The following FBXW5 variants were observed in gnomAD, a reference collection of about 807,000 sequenced individuals.
FBXW5 encodes the protein F-box and WD repeat domain containing 5, also known as F-box/WD repeat-containing protein 5.
FBXW5 carries 74 observed loss-of-function variants against 50.9 expected under a neutral mutation model. That is an observed-to-expected ratio of 1.45 (90% CI 1.20 to 1.76). The LOEUF is 1.76. FBXW5 is among the 40% of genes most tolerant of loss of function. FBXW5 has a pLI of 0.00. For synonymous variants in FBXW5, 523 were observed against 362.2 expected (o/e 1.44, Z -5.04); for missense variants, 1,073 against 818.8 (o/e 1.31, Z -3.79).
Position 136,940,680 on chromosome 9 carries a change from A to C in FBXW5, c.*248T>G, listed in dbSNP as rs866710413. 8.8e-6 allele frequency: 5 copies of C among 566,504 alleles called. No individual in the cohort carries two copies. The highest frequency in any genetic ancestry group is 3.2e-5 in the Admixed American group (1 of 31,716). The allele number at this position is 566,504 out of a possible 1,614,324, so 35.1% of individuals were successfully genotyped here. A position where few individuals can be genotyped will look rare whatever the true frequency, so the allele number is the denominator to read the frequency against. ...GGGTTGAGTGAGGAGCGGCACCCCC[A>C]GTATCCTGTGTACCCCAAGTTGCCC... On this transcript the variant is annotated 3_prime_UTR_variant, in exon 9 of 9. Coordinates refer to ENST00000325285, the MANE Select transcript of FBXW5 (RefSeq NM_018998.4).
In FBXW5 at chr9:136,943,454, G is replaced by A. The variant is rs747203931; in HGVS notation, c.246C>T (p.Cys82=). The A allele has an allele frequency of 2.4e-5, 38 of 1,612,644 alleles. No individual in the cohort carries two copies. The highest frequency in any genetic ancestry group is 3.0e-5 in the Non-Finnish European group (35 of 1,179,926). ...EFQRLYDTVP[C]VEVQTLREHT... is the part of the protein sequence containing the mutation. ...GTTCCCGCAGCGTCTGCACCTCCAC[G>A]CAGGGCACCGTGTCATACAGCCGCT... Residue 82 remains cysteine (C), a synonymous_variant, in exon 3 of 9, where the codon TGC becomes TGT. Transcript: ENST00000325285.
intron 1 of FBXW5, 87 bp from the exon 2 acceptor site, chr9:136,944,193 C>G (rs1274526912): frequency 7.3e-7 from 1 of 1,368,128 alleles, no homozygotes. Flanking sequence ...CCAACCGTCC[C>G]GCCGGGAGTT....
chr9:136,941,188 G>A lies in FBXW5; in HGVS notation c.1458-17C>T, dbSNP rs1375950213. ...TCCGCCCCGCTGCAGAACAGCGCCT[G>A]GGTGAGCCGGCCGCCCGCCCGCTGC... On this transcript the variant is annotated splice_polypyrimidine_tract_variant and intron_variant, in intron 8 of 8. Transcript: ENST00000325285. 2 of 1,598,998 alleles carry A rather than the reference G, an allele frequency of 1.3e-6. No homozygotes were observed. Among genetic ancestry groups the A allele is most frequent in the African/African-American group, 1.3e-5 (1 of 74,778 alleles).
intron 3 of FBXW5, 100 bp downstream of exon 3, chr9:136,943,244 ACCCAC>A: frequency 2.7e-6 from 2 of 727,612 alleles, no homozygotes; most frequent in Non-Finnish European, 4.2e-6. Context: ...CTCTGGCCTG[ACCCAC>A]CCCCCCCCCC....
chr9:136,941,777 T>TG, intron 6 of FBXW5, 93 bp from the exon 7 acceptor site: 2 of 1,421,774 alleles, frequency 1.4e-6, no homozygotes, highest in Non-Finnish European at 1.9e-6. Context: ...TCTGGGGCTG[T>TG]GAGCACCACA....
rs1850725838 is a variant in FBXW5, at chr9:136,940,930, A to G, written c.1699T>C (p.Ter567ArgextTer56). The G allele has an allele frequency of 6.3e-7, 1 of 1,577,184 alleles. No homozygotes were observed. The highest frequency in any genetic ancestry group is 8.6e-7 in the Non-Finnish European group (1 of 1,163,484). The change falls in exon 9 of 9, where the codon TGA becomes CGA. Residue 567 changes from the stop codon to arginine (R), a stop_lost. Transcript: ENST00000325285. ...FFSWLASQRR[*>R] ...GGCTCCAGTGCACCCAGCACACCTC[A>G]GCGCCTCTGGCTGGCAAGCCAGGAG...
rs756022575 is a variant in FBXW5, at chr9:136,941,689, A to G, written c.1097-5T>C. ...GTGGCAGGATCTGCTTGATGCCTGC[A>G]GGGAGGGCTACGGTGAGGGTCCCTG... On this transcript the variant is annotated splice_region_variant and splice_polypyrimidine_tract_variant and intron_variant, in intron 6 of 8. Coordinates refer to ENST00000325285, the MANE Select transcript of FBXW5 (RefSeq NM_018998.4). 6 of 1,552,380 alleles carry G rather than the reference A, an allele frequency of 3.9e-6. No homozygotes were observed. The highest frequency in any genetic ancestry group is 2.4e-5 in the East Asian group (1 of 41,190).
chr9:136,944,035 T>C lies in FBXW5; in HGVS notation c.49A>G (p.Ile17Val), dbSNP rs1357327541. Residue 17 changes from isoleucine to valine, a missense_variant, in exon 2 of 9, where the codon ATC becomes GTC. Transcript: ENST00000325285. ...PLLPDSLVYQ[I>V]FLSLGPADVL... ...TCGGCCGGGCCCAGGCTCAGGAAGA[T>C]CTGGTAGACCAGGCTGTCGGGGAGC... The C allele has an allele frequency of 2.5e-6, 4 of 1,604,628 alleles. No homozygotes were observed. In the South Asian group the frequency reaches 3.3e-5, roughly 13 times the overall value.
At position 136,942,057 on chromosome 9, in the gene FBXW5, G is replaced by T; in HGVS notation, c.1085C>A (p.Pro362Gln). The change falls in exon 6 of 9, where the codon CCA becomes CAA. Residue 362 changes from proline to glutamine, a missense_variant. By Grantham distance (76) the Pro-to-Gln change is moderately conservative (BLOSUM62 -1). Coordinates refer to ENST00000325285, the MANE Select transcript of FBXW5 (RefSeq NM_018998.4). ...CGGCAGGGGTGTACCGATCTGGTGTGGGGAGTAGGTGAGGCAGCCAGTGGT... is the reference window on the plus strand; with the variant it reads ...CGGCAGGGGTGTACCGATCTGGTGTTGGGAGTAGGTGAGGCAGCCAGTGGT... ...IFTTGCLTYS[P>Q]HQIGIKQILP... is the part of the protein sequence containing the mutation. 2 of 1,609,268 alleles carry T rather than the reference G, an allele frequency of 1.2e-6. No homozygotes were observed. The highest frequency in any genetic ancestry group is 1.7e-6 in the Non-Finnish European group (2 of 1,176,698).
In FBXW5 at chr9:136,942,684, G is replaced by A. The variant is rs765657666; in HGVS notation, c.538C>T (p.Leu180=). 6.2e-7 allele frequency: 1 copy of A among 1,610,866 alleles called. No individual in the cohort carries two copies. The highest frequency in any genetic ancestry group is 2.2e-5 in the East Asian group (1 of 44,794). The change falls in exon 5 of 9, where the codon CTG becomes TTG. Residue 180 remains leucine (L), a synonymous_variant. Coordinates refer to ENST00000325285, the MANE Select transcript of FBXW5 (RefSeq NM_018998.4). ...IAVISLDSFA[L]LSRVRNKPYD... Reference sequence around the variant, plus strand: ...GGCTTGTTCCGCACGCGGGACAGCAGCGCGAAGGAGTCTGTGGGGAGGCCG... The same window carrying A: ...GGCTTGTTCCGCACGCGGGACAGCAACGCGAAGGAGTCTGTGGGGAGGCCG...
At chr9:136,942,491 T>TGGGCGCC (rs771944963) in intron 5 of FBXW5, 25 bp from the exon 6 acceptor site, 13 of 1,596,062 alleles carry the variant, frequency 8.1e-6, no homozygotes, top group African/African-American at 1.4e-5. Flanking sequence ...ACGTGCCAGG[T>TGGGCGCC]GGGCGCCGGG....
intron 1 of FBXW5, chr9:136,944,351 G>A: frequency 3.3e-6 from 2 of 614,126 alleles, no homozygotes; most frequent in Non-Finnish European, 4.4e-6. Flanking sequence ...AGCCCGCCAG[G>A]GCCCGGACCG....
Position 136,942,909 on chromosome 9 carries a change from T to G in FBXW5, c.386A>C (p.His129Pro), listed in dbSNP as rs140614835. 2.5e-6 allele frequency: 4 copies of G among 1,613,362 alleles called. No homozygotes were observed. The highest frequency in any genetic ancestry group is 3.4e-6 in the Non-Finnish European group (4 of 1,179,928). ...GTTGTAGGGCCGCATGTCCGCGCTG[T>G]GCAGCAGCGAGATGGTCAGGTCGTT... ...WSNDLTISLL[H>P]SADMRPYNWS... is the part of the protein sequence containing the mutation. The change falls in exon 4 of 9, where the codon CAC becomes CCC. Residue 129 changes from histidine (H) to proline (P), a missense_variant. By Grantham distance (77) the His-to-Pro change is moderately conservative (BLOSUM62 -2). Coordinates refer to ENST00000325285, the MANE Select transcript of FBXW5 (RefSeq NM_018998.4).
chr9:136,941,567 A>G lies in FBXW5; in HGVS notation c.1214T>C (p.Ile405Thr). The G allele has an allele frequency of 6.2e-7, 1 of 1,610,028 alleles. No homozygotes were observed. The highest frequency in any genetic ancestry group is 1.7e-5 in the Admixed American group (1 of 59,878). Residue 405 changes from isoleucine to threonine, a missense_variant, in exon 7 of 9, where the codon ATC becomes ACC. By Grantham distance (89) the Ile-to-Thr change is moderately conservative. Coordinates refer to ENST00000325285, the MANE Select transcript of FBXW5 (RefSeq NM_018998.4). ...GTCGGGCGACAGGCCCATGCCGATG[A>G]TGTGTCCGTGTATGTCTATGACGTG... The part of the protein sequence containing the change: ...LDHVIDIHGH[I>T]IGMGLSPDNR...
At position 136,943,690 on chromosome 9, in the gene FBXW5, C is replaced by G. The variant is rs187429985; in HGVS notation, c.194-184G>C. 1.2e-4 allele frequency among the ~76,000 whole-genome samples: 19 copies of G among 152,348 alleles called. No individual in the cohort carries two copies. The East Asian group carries it at 3.7e-3, about 29-fold the overall frequency. ...CAGAGACCCCTGTACCCCCCACCCC[C>G]CAAGTGACCCAATGAACCCTCTGGC... On this transcript the variant is annotated intron_variant, in intron 2 of 8. Coordinates refer to ENST00000325285, the MANE Select transcript of FBXW5 (RefSeq NM_018998.4).
Position 136,944,599 on chromosome 9 carries a change from C to T in FBXW5, c.-29G>A. 1.0e-6 allele frequency: 1 copy of T among 984,352 alleles called. No homozygotes were observed. Among genetic ancestry groups the T allele is most frequent in the Non-Finnish European group, 1.2e-6 (1 of 829,284 alleles). 61.0% of individuals were successfully genotyped at this position (984,352 alleles called of 1,614,324 possible). On this transcript the variant is annotated 5_prime_UTR_variant, in exon 1 of 9. Coordinates refer to ENST00000325285, the MANE Select transcript of FBXW5 (RefSeq NM_018998.4). ...AGGGCCGCAGGCGCACTCACCACGG[C>T]CGCCTCCGCCCGCTGCGCCGCCCCC... is the stretch of plus-strand genomic sequence containing the variant.
At position 136,944,495 on chromosome 9, in the gene FBXW5, G is replaced by A. The variant is rs925526021; in HGVS notation, c.-24+99C>T. The A allele has an allele frequency of 5.7e-5, 56 of 983,604 alleles. No individual in the cohort carries two copies. The African/African-American group carries it at 7.7e-4, about 14-fold the overall frequency. 60.9% of individuals were successfully genotyped at this position (983,604 alleles called of 1,614,324 possible). A position where few individuals can be genotyped will look rare whatever the true frequency, so the allele number is the denominator to read the frequency against. On this transcript the variant is annotated intron_variant, in intron 1 of 8. Transcript: ENST00000325285. Reference sequence around the variant, plus strand: ...TCTGCCCGGCGGGCTCGGGGCGGACGGCGGGGACGAGCGCACGGGCGGCCT... The same window carrying A: ...TCTGCCCGGCGGGCTCGGGGCGGACAGCGGGGACGAGCGCACGGGCGGCCT...
rs533836419 is a variant in FBXW5, at chr9:136,943,255, C to G, written c.351+94G>C. 128 of 1,242,906 alleles carry G rather than the reference C, an allele frequency of 1.0e-4. 2 individuals carry two copies. In the East Asian group the frequency reaches 2.7e-3, roughly 26 times the overall value. The allele number at this position is 1,242,906 out of a possible 1,614,324, so 77.0% of individuals were successfully genotyped here. A position where few individuals can be genotyped will look rare whatever the true frequency, so the allele number is the denominator to read the frequency against. ...TCACCTCTGGCCTGACCCACCCCCC[C>G]CCCCACCACCACCTGGTTGGAACGC... On this transcript the variant is annotated intron_variant, in intron 3 of 8. Coordinates refer to ENST00000325285, the MANE Select transcript of FBXW5 (RefSeq NM_018998.4).
At position 136,943,355 on chromosome 9, in the gene FBXW5, A is replaced by C. The variant is rs147821001; in HGVS notation, c.345T>G (p.Thr115=). The C allele has an allele frequency of 6.2e-7, 1 of 1,611,516 alleles. No homozygotes were observed. The highest frequency in any genetic ancestry group is 8.5e-7 in the Non-Finnish European group (1 of 1,179,422). The change falls in exon 3 of 9, where the codon ACT becomes ACG. Residue 115 remains threonine, a synonymous_variant. Coordinates refer to ENST00000325285, the MANE Select transcript of FBXW5 (RefSeq NM_018998.4). ...GACACCTGGCCGTCCTCACCTTCACAGTGCAGTCCTTGGAGCAGGACGCGA... is the reference window on the plus strand; with the variant it reads ...GACACCTGGCCGTCCTCACCTTCACCGTGCAGTCCTTGGAGCAGGACGCGA... ...YQFASCSKDC[T]VKIWSNDLTI...
Sources: gnomAD v4.1 joint callset for allele counts (sites outside exome capture counted in the v4.1 genomes callset) on GRCh38, gnomAD v4.1.1 for gene constraint, MANE v1.5 for transcripts, NCBI Gene and HGNC (gene_info 2026-07-23, HGNC 2026-07-21) for gene names.